The following LARS1 variants were observed in gnomAD, a reference collection of about 807,000 sequenced individuals.
The protein encoded by LARS1 is leucine--tRNA ligase, cytoplasmic.
Under a neutral mutation model 162.8 loss-of-function variants are expected in LARS1, and 100 were observed. The ratio of observed to expected loss-of-function variants is 0.61; its 90% CI spans 0.52 to 0.73. The LOEUF is 0.73. LARS1 is among the 30% of genes least tolerant of loss of function. The pLI, the probability that LARS1 is intolerant of heterozygous loss-of-function variation, is 0.00. For missense variants in LARS1, 1,258 were observed against 1,408.9 expected (o/e 0.89, Z 1.71); for synonymous variants, 457 against 462.8 (o/e 0.99, Z 0.16).
intron 8 of LARS1, 103 bp downstream of exon 8, chr5:146,159,304 T>A (rs1753669883): frequency 1.4e-5 from 11 of 801,656 alleles, no homozygotes; most frequent in Non-Finnish European, 2.1e-5. Context: ...CAGGACTACA[T>A]CCCTCAGCAC....
chr5:146,140,679 G>A lies in LARS1; in HGVS notation c.2091-418C>T, dbSNP rs1295336424. ...ATATTAGCCGGGTGTGGTGGCTGGC[G>A]CCTGTGATCCCAGCTGCTGGGGAGG... On this transcript the variant is annotated intron_variant, in intron 20 of 31. Transcript: ENST00000394434. Among the ~76,000 whole-genome samples the A allele has an allele frequency of 5.9e-5, 9 of 152,106 alleles. 1 individual carries two copies. The highest frequency in any genetic ancestry group is 1.3e-4 in the Admixed American group (2 of 15,278).
At position 146,131,050 on chromosome 5, in the gene LARS1, T is replaced by C. The variant is rs1399769875; in HGVS notation, c.2456A>G (p.Glu819Gly). The C allele has an allele frequency of 6.3e-7, 1 of 1,598,952 alleles. No homozygotes were observed. The highest frequency in any genetic ancestry group is 8.5e-7 in the Non-Finnish European group (1 of 1,170,250). The change falls in exon 24 of 32, where the codon GAA (glutamate) becomes GGA (glycine). Residue 819 changes from glutamate to glycine, a missense_variant. Coordinates refer to ENST00000394434, the MANE Select transcript of LARS1 (RefSeq NM_020117.11). ...CTCAAAAAACCCTGTTTTCAAAGCTTCTTTAAACATCATCTTTTCATAGTT... is the reference window on the plus strand; with the variant it reads ...CTCAAAAAACCCTGTTTTCAAAGCTCCTTTAAACATCATCTTTTCATAGTT... The part of the protein sequence containing the change: ...DQNYEKMMFK[E>G]ALKTGFFEFQ...
intron 14 of LARS1, 46 bp downstream of exon 14, chr5:146,151,816 G>A (rs907858895): frequency 2.0e-6 from 3 of 1,515,706 alleles, no homozygotes; most frequent in East Asian, 2.3e-5. Flanking sequence ...GAAAATCACA[G>A]AGCATGGAGT....
chr5:146,170,404 A>G (rs1754208079), intron 4 of LARS1, among the ~76,000 whole-genome samples: 1 of 152,016 alleles, frequency 6.6e-6, no homozygotes, highest in South Asian at 2.1e-4. Flanking sequence ...TGGGAGGCAG[A>G]TGTTGCAGCA....
chr5:146,157,193 G>C (rs1375361520), intron 10 of LARS1, among the ~76,000 whole-genome samples: 1 of 152,102 alleles, frequency 6.6e-6, no homozygotes, highest in Non-Finnish European at 1.5e-5. Flanking sequence ...AGAGCCTTCT[G>C]GAGTGCTAAA....
In LARS1 at chr5:146,144,885, C is replaced by T. The variant is rs554785159; in HGVS notation, c.1504-176G>A. ...ATCTTCTACCTTTCCTTCTATGTAA[C>T]ACCTGCTTTTAAAAAGGCATGAATC... On this transcript the variant is annotated intron_variant, in intron 15 of 31. Transcript: ENST00000394434. Among the ~76,000 whole-genome samples, 3 of 152,254 alleles carry T rather than the reference C, an allele frequency of 2.0e-5. No homozygotes were observed. In the South Asian group the frequency reaches 6.2e-4, roughly 32 times the overall value.
chr5:146,134,653 G>A lies in LARS1; in HGVS notation c.2212+948C>T, dbSNP rs566010090. On this transcript the variant is annotated intron_variant, in intron 22 of 31. Coordinates refer to ENST00000394434, the MANE Select transcript of LARS1 (RefSeq NM_020117.11). ...GTTCCCAGGTTCAAGACACATTTAG[G>A]AATACCAAATACAGGCCAGGCATGG... 2.6e-4 allele frequency among the ~76,000 whole-genome samples: 40 copies of A among 152,236 alleles called. 2 individuals carry two copies. In the South Asian group the frequency reaches 8.1e-3, roughly 31 times the overall value.
At chr5:146,154,444 A>T (rs1033984214) in intron 10 of LARS1, among the ~76,000 whole-genome samples, 1 of 152,242 alleles carries the variant, frequency 6.6e-6, no homozygotes, top group Non-Finnish European at 1.5e-5. Context: ...ATATATTTCA[A>T]AACATATTGC....
At chr5:146,137,462 T>TA (rs978212087) in intron 21 of LARS1, among the ~76,000 whole-genome samples, 8 of 152,110 alleles carry the variant, frequency 5.3e-5, no homozygotes, top group African/African-American at 1.9e-4. Context: ...ATTAATAAGA[T>TA]AAAGTACTAT....
chr5:146,143,951 G>A (rs1482627065), intron 18 of LARS1, among the ~76,000 whole-genome samples: 1 of 152,074 alleles, frequency 6.6e-6, no homozygotes, highest in Non-Finnish European at 1.5e-5. Flanking sequence ...GCAGTGAGCT[G>A]AGATCGCACC....
chr5:146,154,866 T>G (rs1331529016), intron 10 of LARS1, among the ~76,000 whole-genome samples: 1 of 152,142 alleles, frequency 6.6e-6, no homozygotes, highest in African/African-American at 2.4e-5. Context: ...AATAATTTTT[T>G]TTTTGAGATG....
rs116546581 is a variant in LARS1, at chr5:146,123,415, C to G, written c.3096+567G>C. Among the ~76,000 whole-genome samples the G allele has an allele frequency of 2.4e-3, 372 of 151,922 alleles. 4 individuals are homozygous for G. The highest frequency in any genetic ancestry group is 8.7e-3 in the African/African-American group (359 of 41,488). On this transcript the variant is annotated intron_variant, in intron 29 of 31. Coordinates refer to ENST00000394434, the MANE Select transcript of LARS1 (RefSeq NM_020117.11). ...ATATATAAAAGCTATTGGTACTGTT[C>G]TAGTTCCTGGATTGGGTAGAAAATT...
At chr5:146,149,501 A>G in intron 15 of LARS1, 121 bp downstream of exon 15, 3 of 742,148 alleles carry the variant, frequency 4.0e-6, no homozygotes, top group Non-Finnish European at 7.0e-6. Context: ...TTTCTGCCGC[A>G]AAACTGTATG....
chr5:146,133,118 A>G (rs753442563), intron 22 of LARS1, 37 bp from the exon 23 acceptor site: 2 of 1,585,172 alleles, frequency 1.3e-6, no homozygotes, highest in Admixed American at 3.4e-5. Context: ...CATTAAAAAT[A>G]TGGTTACTGA....
At chr5:146,171,123 G>A (rs1323506798) in intron 4 of LARS1, among the ~76,000 whole-genome samples, 3 of 152,168 alleles carry the variant, frequency 2.0e-5, no homozygotes, top group South Asian at 4.1e-4. Flanking sequence ...TTGGAAGGCC[G>A]AGGTGGGTGG....
chr5:146,135,965 A>G (rs1194317095), intron 21 of LARS1, among the ~76,000 whole-genome samples: 2 of 152,326 alleles, frequency 1.3e-5, no homozygotes, highest in Admixed American at 1.3e-4. Context: ...TGATTCCACT[A>G]TAACTCTAGA....
intron 4 of LARS1, 103 bp downstream of exon 4, chr5:146,171,807 C>T (rs1254130899): frequency 1.4e-6 from 1 of 740,734 alleles, no homozygotes; most frequent in Non-Finnish European, 2.2e-6. Flanking sequence ...TCATTTCATA[C>T]TTTAATGCAG....
At chr5:146,130,194 C>T (rs765522441) in intron 24 of LARS1, 36 bp from the exon 25 acceptor site, 4 of 1,592,380 alleles carry the variant, frequency 2.5e-6, no homozygotes, top group Non-Finnish European at 3.4e-6. Flanking sequence ...TTTCCCTCAC[C>T]TTCTTTAAAA....
chr5:146,125,576 T>C (rs750433477), intron 28 of LARS1, among the ~76,000 whole-genome samples: 2 of 151,962 alleles, frequency 1.3e-5, no homozygotes, highest in Non-Finnish European at 2.9e-5. Flanking sequence ...ACAGCACTCC[T>C]AAAAAGTTTG....
Sources: allele counts gnomAD v4.1 joint callset (sites outside exome capture counted in the v4.1 genomes callset), GRCh38; gene constraint gnomAD v4.1.1; transcripts MANE v1.5; gene names NCBI Gene and HGNC (gene_info 2026-07-23, HGNC 2026-07-21).